APBB2: variants seen among roughly 807,000 people sequenced by gnomAD.
APBB2 encodes amyloid beta precursor protein binding family B member 2, also known as Fe65-like 1.
A neutral mutation model predicts 82.5 loss-of-function variants in APBB2; 38 were observed. That is an observed-to-expected ratio of 0.46 (90% CI 0.36 to 0.60). The LOEUF (loss-of-function observed/expected upper bound fraction) is 0.60. APBB2 is among the 20% of genes least tolerant of loss of function. The probability of loss-of-function intolerance (pLI) is 0.00; values close to 1 mark genes in which losing one functional copy is unlikely to be tolerated. For missense variants in APBB2, 772 were observed against 972.3 expected (o/e 0.79, Z 2.74); for synonymous variants, 341 against 368.2 (o/e 0.93, Z 0.85).
rs543713365 is a variant in APBB2, at chr4:40,860,836, T to C, written c.1529+29528A>G. 7.2e-5 allele frequency among the ~76,000 whole-genome samples: 11 copies of C among 152,322 alleles called. No homozygotes were observed. In the East Asian group the frequency reaches 2.1e-3, roughly 29 times the overall value. On this transcript the variant is annotated intron_variant, in intron 12 of 17. Coordinates refer to ENST00000508593, the MANE Select transcript of APBB2 (RefSeq NM_004307.2). The stretch of plus-strand genomic sequence containing the variant: ...ATCAGAATATAATGCTTTTATGATT[T>C]AAATAACAAATTTCCATTTTGCAAA...
At position 40,896,746 on chromosome 4, in the gene APBB2, C is replaced by T. The variant is rs1038554350; in HGVS notation, c.1255-3335G>A. On this transcript the variant is annotated intron_variant, in intron 10 of 17. Transcript: ENST00000508593. ...TCTGGCAAAATTATTCAGAGCAGCT[C>T]CTTTTACTCTCAAAAAGTGTCCTGG... 2.6e-5 allele frequency among the ~76,000 whole-genome samples: 4 copies of T among 152,292 alleles called. No individual in the cohort carries two copies. In the South Asian group the frequency reaches 6.2e-4, roughly 24 times the overall value.
intron 12 of APBB2, among the ~76,000 whole-genome samples, chr4:40,866,167 C>T (rs1441306318): frequency 2.0e-5 from 3 of 152,214 alleles, no homozygotes; most frequent in African/African-American, 7.2e-5. Flanking sequence ...ATGATTACAG[C>T]GGCTTTATTC....
chr4:40,961,667 TAAAAAAAAAAAAAAAAAAAAAAA>T (rs60942744), intron 6 of APBB2, among the ~76,000 whole-genome samples: 25 of 68,248 alleles, frequency 3.7e-4, no homozygotes, highest in African/African-American at 1.5e-3. Context: ...AAAAAAGATG[TAAAAAAAAAAAAAAAAAAAAAAA>T]AAAAAAAAAA....
At chr4:40,975,558 C>T (rs1396089659) in intron 6 of APBB2, among the ~76,000 whole-genome samples, 3 of 152,096 alleles carry the variant, frequency 2.0e-5, no homozygotes, top group South Asian at 4.2e-4. Flanking sequence ...ACATGCTGCA[C>T]GTTATTAATA....
chr4:41,122,608 T>C (rs1753174667), intron 2 of APBB2, among the ~76,000 whole-genome samples: 1 of 152,234 alleles, frequency 6.6e-6, no homozygotes, highest in South Asian at 2.1e-4. Flanking sequence ...CCTATTGTTT[T>C]GATCCTACTT....
chr4:41,083,879 GT>G (rs1236231370), intron 3 of APBB2, among the ~76,000 whole-genome samples: 3 of 151,768 alleles, frequency 2.0e-5, no homozygotes, highest in African/African-American at 4.8e-5. Flanking sequence ...AAAAATAAAA[GT>G]TATGTTACAT....
chr4:40,971,980 C>G (rs887633878), intron 6 of APBB2, among the ~76,000 whole-genome samples: 1 of 152,152 alleles, frequency 6.6e-6, no homozygotes, highest in Admixed American at 6.5e-5. Flanking sequence ...CCAGAGAAAA[C>G]TAAAATATAA....
intron 12 of APBB2, among the ~76,000 whole-genome samples, chr4:40,859,090 G>C (rs1014880829): frequency 2.6e-5 from 4 of 152,174 alleles, no homozygotes; most frequent in African/African-American, 9.7e-5. Context: ...TAGCAGGGCA[G>C]AAGCAACAAA....
chr4:40,833,864 G>A (rs896444955), intron 12 of APBB2, among the ~76,000 whole-genome samples: 8 of 152,336 alleles, frequency 5.3e-5, no homozygotes, highest in African/African-American at 9.6e-5. Flanking sequence ...TTACCGACAC[G>A]GCGGATGAAC....
At chr4:40,954,181 T>C (rs563511027) in intron 6 of APBB2, among the ~76,000 whole-genome samples, 9 of 152,216 alleles carry the variant, frequency 5.9e-5, no homozygotes, top group South Asian at 4.1e-4. Context: ...CAAATGAAAA[T>C]AGATTTGCTT....
At chr4:40,891,934 T>C (rs1006512661) in intron 11 of APBB2, among the ~76,000 whole-genome samples, 11 of 150,758 alleles carry the variant, frequency 7.3e-5, no homozygotes. Flanking sequence ...GTGGGAAACA[T>C]AGGCCTGGGT....
chr4:41,058,480 T>C (rs2153872549), intron 4 of APBB2, among the ~76,000 whole-genome samples: 1 of 152,326 alleles, frequency 6.6e-6, no homozygotes, highest in Non-Finnish European at 1.5e-5. Context: ...CTGAAAATAA[T>C]GGCGGTCAAC....
intron 1 of APBB2, among the ~76,000 whole-genome samples, chr4:41,190,436 C>A (rs1774134801): frequency 6.6e-6 from 1 of 151,570 alleles, no homozygotes; most frequent in African/African-American, 2.4e-5. Context: ...TTTTAGTAGA[C>A]ACAGGGTTTC....
At position 40,897,842 on chromosome 4, in the gene APBB2, T is replaced by C. The variant is rs377284385; in HGVS notation, c.1255-4431A>G. On this transcript the variant is annotated intron_variant, in intron 10 of 17. Coordinates refer to ENST00000508593, the MANE Select transcript of APBB2 (RefSeq NM_004307.2). ...ACTTTCCCTTAAACCCAGGAAGGGA[T>C]GCCGGGCGTAATCAGTTCTGGGAAT... Among the ~76,000 whole-genome samples, 14 of 152,162 alleles carry C rather than the reference T, an allele frequency of 9.2e-5. 1 individual carries two copies. The highest frequency in any genetic ancestry group is 3.4e-4 in the African/African-American group (14 of 41,502).
At chr4:41,184,730 TG>T (rs1327586719) in intron 1 of APBB2, among the ~76,000 whole-genome samples, 1 of 152,194 alleles carries the variant, frequency 6.6e-6, no homozygotes, top group Non-Finnish European at 1.5e-5. Flanking sequence ...CTCAGTTCCT[TG>T]GGGTCAGCCT....
At chr4:40,925,659 G>C (rs1782440255) in intron 10 of APBB2, among the ~76,000 whole-genome samples, 2 of 152,104 alleles carry the variant, frequency 1.3e-5, no homozygotes, top group Non-Finnish European at 2.9e-5. Context: ...TCAATTATAA[G>C]AACTACATGC....
At chr4:40,928,174 T>C (rs1783112070) in intron 10 of APBB2, among the ~76,000 whole-genome samples, 1 of 152,220 alleles carries the variant, frequency 6.6e-6, no homozygotes, top group Admixed American at 6.5e-5. Flanking sequence ...TAAAACATTT[T>C]CCATGGAAAA....
intron 6 of APBB2, among the ~76,000 whole-genome samples, chr4:40,964,403 A>G (rs1794077560): frequency 6.6e-6 from 1 of 152,188 alleles, no homozygotes; most frequent in African/African-American, 2.4e-5. Context: ...TCACTGAGCA[A>G]AACCACGTAA....
chr4:41,172,236 A>G (rs78135877), intron 1 of APBB2, among the ~76,000 whole-genome samples: 7,213 of 145,548 alleles, frequency 0.05, 371 homozygotes, highest in African/African-American at 0.15. Context: ...CGCCCCAGGC[A>G]CATTCCAGTC....
Sources: gnomAD v4.1 joint callset for allele counts (sites outside exome capture counted in the v4.1 genomes callset) on GRCh38, gnomAD v4.1.1 for gene constraint, MANE v1.5 for transcripts, NCBI Gene and HGNC (gene_info 2026-07-23, HGNC 2026-07-21) for gene names.